LRR1: variants seen among roughly 807,000 people sequenced by gnomAD.
LRR1 encodes the protein leucine-rich repeat protein 1.
Under a neutral mutation model 31.6 loss-of-function variants are expected in LRR1, and 29 were observed. The observed-to-expected ratio is 0.92, with a 90% confidence interval of 0.68 to 1.25. The LOEUF (loss-of-function observed/expected upper bound fraction) is 1.25. Ranked by LOEUF, LRR1 falls within the 50% of genes most tolerant of loss-of-function variation. The pLI is 0.00. For synonymous variants in LRR1, 179 were observed against 181.4 expected, an observed-to-expected ratio of 0.99 and a Z score of 0.10; for missense variants, 485 against 487.2, an observed-to-expected ratio of 1.00 and a Z score of 0.04.
In LRR1 at chr14:49,602,385, G is replaced by T; in HGVS notation, c.199G>T (p.Glu67Ter). The change falls in exon 2 of 4, where the codon GAG (glutamate) becomes TAG (stop). Residue 67 changes from glutamate to a stop codon, truncating the protein, a stop_gained. Coordinates refer to ENST00000298288, the MANE Select transcript of LRR1 (RefSeq NM_152329.4). LOFTEE classifies it high-confidence loss of function. ...TTTTATGCAGCTAAGGGAGAACATT[G>T]AGCAATTCTTCACCAAATTTGTAGA... The part of the protein sequence containing the change: ...GTRYELRENI[E>*]QFFTKFVDEG... The T allele has an allele frequency of 6.2e-7, 1 of 1,613,374 alleles. No individual in the cohort carries two copies. Among genetic ancestry groups the T allele is most frequent in the South Asian group, 1.1e-5 (1 of 91,048 alleles).
At position 49,602,390 on chromosome 14, in the gene LRR1, ATTC is replaced by A. The variant is rs1594584463; in HGVS notation, c.208_210del (p.Phe70del). The A allele has an allele frequency of 6.2e-7, 1 of 1,613,838 alleles. No individual in the cohort carries two copies. The highest frequency in any genetic ancestry group is 1.1e-5 in the South Asian group (1 of 91,068). ...TGCAGCTAAGGGAGAACATTGAGCA[ATTC>A]TTCACCAAATTTGTAGATGAGGGGA... On this transcript the variant is annotated inframe_deletion, in exon 2 of 4. Transcript: ENST00000298288.
chr14:49,599,867 G>C, intron 1 of LRR1: 2 of 489,314 alleles, frequency 4.1e-6, no homozygotes, highest in Non-Finnish European at 6.0e-6. Flanking sequence ...TTGGGGCCGG[G>C]GGGGCGGCCC....
At chr14:49,610,434 T>C (rs1882470747) in intron 3 of LRR1, among the ~76,000 whole-genome samples, 1 of 151,508 alleles carries the variant, frequency 6.6e-6, no homozygotes, top group Non-Finnish European at 1.5e-5. Context: ...TTTGTATTTT[T>C]AGTAGAGATG....
chr14:49,613,902 T>C (rs1384811439), intron 3 of LRR1, among the ~76,000 whole-genome samples: 1 of 152,202 alleles, frequency 6.6e-6, no homozygotes, highest in East Asian at 1.9e-4. Context: ...AGGTTAGCCT[T>C]ACTTGCCCAG....
At chr14:49,599,504 T>A (rs2139528812) in intron 1 of LRR1, among the ~76,000 whole-genome samples, 1 of 152,374 alleles carries the variant, frequency 6.6e-6, no homozygotes, top group South Asian at 2.1e-4. Flanking sequence ...CTGTTTCAAG[T>A]TTCTGAAATT....
chr14:49,607,498 G>A lies in LRR1; in HGVS notation c.381G>A (p.Lys127=), dbSNP rs1337485323. The A allele has an allele frequency of 1.2e-6, 2 of 1,613,992 alleles. No individual in the cohort carries two copies. The highest frequency in any genetic ancestry group is 1.7e-6 in the Non-Finnish European group (2 of 1,180,016). The change falls in exon 3 of 4, where the codon AAG becomes AAA. Residue 127 remains lysine, a synonymous_variant. Transcript: ENST00000298288. ...DTPVSTLTPV[K]TSEFENFKTK... ...CAGTTTCAACGCTCACACCAGTGAAGACTTCAGAATTTGAAAACTTTAAAA... is the reference window on the plus strand; with the variant it reads ...CAGTTTCAACGCTCACACCAGTGAAAACTTCAGAATTTGAAAACTTTAAAA...
chr14:49,600,857 C>CT (rs1440842020), intron 1 of LRR1, among the ~76,000 whole-genome samples: 5 of 152,226 alleles, frequency 3.3e-5, no homozygotes, highest in Non-Finnish European at 7.3e-5. Context: ...TACAATCTCT[C>CT]AGGGGTTTCA....
At chr14:49,604,144 A>G (rs1157559863) in intron 2 of LRR1, among the ~76,000 whole-genome samples, 1 of 150,374 alleles carries the variant, frequency 6.7e-6, no homozygotes. Context: ...CTCCACAAAA[A>G]AAAAAAAAAA....
chr14:49,606,273 C>T (rs1882277915), intron 2 of LRR1, among the ~76,000 whole-genome samples: 1 of 151,188 alleles, frequency 6.6e-6, no homozygotes, highest in South Asian at 2.1e-4. Flanking sequence ...GTGATCCACC[C>T]ACCTTGGCCT....
intron 2 of LRR1, among the ~76,000 whole-genome samples, chr14:49,605,505 T>C (rs1056906889): frequency 6.6e-6 from 1 of 152,232 alleles, no homozygotes; most frequent in African/African-American, 2.4e-5. Context: ...ACTGATCTTT[T>C]CACTTGTCTA....
rs1310572278 is a variant in LRR1 at position 49,602,413 on chromosome 14, A to G, written c.227A>G (p.Glu76Gly). The G allele has an allele frequency of 1.1e-5, 18 of 1,613,816 alleles. No homozygotes were observed. The Admixed American group carries it at 3.0e-4, about 27-fold the overall frequency. The part of the protein sequence containing the change: ...IEQFFTKFVD[E>G]GKATVRLKEP... ...CAATTCTTCACCAAATTTGTAGATG[A>G]GGGGAAAGCCACTGTTCGGTTAAAG... The change falls in exon 2 of 4, where the codon GAG (glutamate) becomes GGG (glycine). Residue 76 changes from glutamate to glycine, a missense_variant. Physicochemically the swap from Glu to Gly is moderately conservative, Grantham distance 98 (BLOSUM62 -2). This residue lies in a region of LRR1 where 260 missense variants were observed against 249.6 expected (regional missense o/e 1.04). Transcript: ENST00000298288.
chr14:49,602,740 CCTCTT>C (rs1412238735), intron 2 of LRR1, among the ~76,000 whole-genome samples: 2 of 152,272 alleles, frequency 1.3e-5, no homozygotes, highest in Non-Finnish European at 2.9e-5. Context: ...CTCAAGCGAT[CCTCTT>C]GCCTCAGCCT....
intron 1 of LRR1, chr14:49,600,847 T>C: frequency 1.1e-6 from 1 of 922,788 alleles, no homozygotes. Context: ...AACTAGAAGG[T>C]ACAATCTCTC....
At chr14:49,613,345 A>G in intron 3 of LRR1, among the ~76,000 whole-genome samples, 1 of 151,686 alleles carries the variant, frequency 6.6e-6, no homozygotes. Flanking sequence ...TCTCAAAAAA[A>G]AAAAAAAAAA....
chr14:49,608,115 A>G lies in LRR1; in HGVS notation c.998A>G (p.His333Arg), dbSNP rs764058340. Residue 333 changes from histidine (H) to arginine (R), a missense_variant, in exon 3 of 4, where the codon CAT becomes CGT. Physicochemically the swap from His to Arg is conservative, Grantham distance 29 (BLOSUM62 0). This residue lies in a region of LRR1 where 210 missense variants were observed against 200.4 expected (regional missense o/e 1.05). Coordinates refer to ENST00000298288, the MANE Select transcript of LRR1 (RefSeq NM_152329.4). ...LLESSARTIL[H>R]NRIPYGSHII... ...GAATCTTCTGCACGAACCATATTAC[A>G]TAATAGGTAAGATTTTAATAGTCAT... 3 of 1,557,484 alleles carry G rather than the reference A, an allele frequency of 1.9e-6. No individual in the cohort carries two copies. Among genetic ancestry groups the G allele is most frequent in the East Asian group, 4.5e-5 (2 of 44,560 alleles).
At chr14:49,603,503 A>C in intron 2 of LRR1, 62 of 374,102 alleles carry the variant, frequency 1.7e-4, no homozygotes, top group Non-Finnish European at 2.4e-4. Flanking sequence ...TATTTACTGT[A>C]ATCATTCTTT....
chr14:49,600,186 GC>G (rs1881998722), intron 1 of LRR1: 1 of 1,475,304 alleles, frequency 6.8e-7, no homozygotes, highest in South Asian at 1.1e-5. Flanking sequence ...CTATAACACC[GC>G]CGGACAGGAA....
chr14:49,608,899 CTTTTTTTTT>C (rs34457930), intron 3 of LRR1, among the ~76,000 whole-genome samples: 8 of 71,598 alleles, frequency 1.1e-4, no homozygotes, highest in East Asian at 9.4e-4. Context: ...ACTTTAACCT[CTTTTTTTTT>C]TTTTTTTTTT....
intron 3 of LRR1, 53 bp from the exon 4 acceptor site, chr14:49,614,203 T>C: frequency 6.5e-7 from 1 of 1,535,114 alleles, no homozygotes; most frequent in Non-Finnish European, 8.8e-7. Flanking sequence ...TAATAATTCA[T>C]GTCCTGAATC....
Sources: allele counts gnomAD v4.1 joint callset (sites outside exome capture counted in the v4.1 genomes callset), GRCh38; gene constraint gnomAD v4.1.1; regional missense constraint gnomAD v4.1.1; transcripts MANE v1.5; gene names NCBI Gene and HGNC (gene_info 2026-07-23, HGNC 2026-07-21).